MIA2: variants seen among roughly 807,000 people sequenced by gnomAD.
The protein encoded by MIA2 is MIA SH3 domain ER export factor 2.
MIA2 carries 127 observed loss-of-function variants against 167.8 expected under a neutral mutation model. The observed-to-expected ratio is 0.76, with a 90% CI of 0.66 to 0.88. The LOEUF (loss-of-function observed/expected upper bound fraction) is 0.88. MIA2 is among the 40% of genes least tolerant of loss of function. The pLI is 0.00. For missense variants in MIA2, 1,690 were observed against 1,624.7 expected, an observed-to-expected ratio of 1.04 and a Z score of -0.69; for synonymous variants, 552 against 541.9, an observed-to-expected ratio of 1.02 and a Z score of -0.26.
rs2053901652 is a variant in MIA2 at position 39,238,806 on chromosome 14, A to AC, written c.249+1751_249+1752insC. 2.7e-5 allele frequency among the ~76,000 whole-genome samples: 4 copies of AC among 148,332 alleles called. 1 individual carries two copies. Among genetic ancestry groups the AC allele is most frequent in the East Asian group, 2.0e-4 (1 of 5,076 alleles). ...GAGACCCTGTCTCAAAAAAAAAAAA[A>AC]AAAAACCCAAAAAACAAAAAAACCT... On this transcript the variant is annotated intron_variant, in intron 2 of 28. Coordinates refer to ENST00000640607, the MANE Select transcript of MIA2 (RefSeq NM_001329214.4).
At chr14:39,281,144 C>T (rs918394140) in intron 9 of MIA2, among the ~76,000 whole-genome samples, 37 of 151,878 alleles carry the variant, frequency 2.4e-4, no homozygotes, top group Non-Finnish European at 4.0e-4. Context: ...AGGCTGGTCT[C>T]GAACTCCTGG....
intron 7 of MIA2, among the ~76,000 whole-genome samples, chr14:39,278,667 A>G (rs1482873457): frequency 2.6e-5 from 4 of 152,220 alleles, no homozygotes; most frequent in Non-Finnish European, 5.9e-5. Flanking sequence ...CTATGGTAAC[A>G]TTTCTCAGGC....
intron 6 of MIA2, among the ~76,000 whole-genome samples, chr14:39,263,554 CTTCTTTTCCT>C (rs1421529263): frequency 3.7e-5 from 5 of 133,346 alleles, no homozygotes; most frequent in Non-Finnish European, 7.7e-5. Flanking sequence ...TCTTTTCTTT[CTTCTTTTCCT>C]TTCCTTTCCT....
At chr14:39,250,567 G>C (rs2054517291) in intron 4 of MIA2, among the ~76,000 whole-genome samples, 1 of 151,868 alleles carries the variant, frequency 6.6e-6, no homozygotes, top group Admixed American at 6.6e-5. Context: ...ATGGTGGTGT[G>C]CCCCTGTAAT....
chr14:39,300,678 GA>G lies in MIA2; in HGVS notation c.2619+693del, dbSNP rs2062248394. Among the ~76,000 whole-genome samples, 6 of 95,354 alleles carry G rather than the reference GA, an allele frequency of 6.3e-5. No individual in the cohort carries two copies. The Admixed American group carries it at 7.8e-4, about 12-fold the overall frequency. 62.6% of individuals were successfully genotyped at this position (95,354 alleles called of 152,430 possible). A position where few individuals can be genotyped will look rare whatever the true frequency, so the allele number is the denominator to read the frequency against. ...ACCGGGACCTGTTGTGGGGTGGGGG[GA>G]GGGGGGAGGGATAGCATTAGGAGAT... On this transcript the variant is annotated intron_variant, in intron 14 of 28. Transcript: ENST00000640607.
At chr14:39,385,621 G>T in intron 23 of MIA2, 7 of 824,734 alleles carry the variant, frequency 8.5e-6, no homozygotes, top group Admixed American at 3.4e-5. Flanking sequence ...CTCTGGATTG[G>T]GGCTTAATAT....
Position 39,299,979 on chromosome 14 carries a change from A to C in MIA2, c.2612A>C (p.His871Pro), listed in dbSNP as rs905715563. 6.3e-7 allele frequency: 1 copy of C among 1,592,606 alleles called. No homozygotes were observed. Among genetic ancestry groups the C allele is most frequent in the Non-Finnish European group, 8.5e-7 (1 of 1,172,962 alleles). Residue 871 changes from histidine (H) to proline (P), a missense_variant, in exon 14 of 29, where the codon CAC (histidine) becomes CCC (proline). Physicochemically the swap from His to Pro is moderately conservative, Grantham distance 77. Coordinates refer to ENST00000640607, the MANE Select transcript of MIA2 (RefSeq NM_001329214.4). ...AEQVLNDKES[H>P]IKTLTERLLK... Reference sequence around the variant, plus strand: ...CAAGTTCTAAATGATAAAGAAAGTCACATCAAGGTAAATGGCTCTACTGGT... The same window carrying C: ...CAAGTTCTAAATGATAAAGAAAGTCCCATCAAGGTAAATGGCTCTACTGGT...
At chr14:39,331,039 C>G (rs1016095667) in intron 25 of MIA2, among the ~76,000 whole-genome samples, 1 of 152,102 alleles carries the variant, frequency 6.6e-6, no homozygotes, top group African/African-American at 2.4e-5. Flanking sequence ...GTTGATCTGT[C>G]TAATATTGAC....
At chr14:39,368,244 C>G (rs56375627) in intron 23 of MIA2, among the ~76,000 whole-genome samples, 44,645 of 152,004 alleles carry the variant, frequency 0.29, 6,875 homozygotes, top group East Asian at 0.5. Context: ...GACAGTGATT[C>G]AGGTCTGTCA....
Position 39,248,088 on chromosome 14 carries a change from A to C in MIA2, c.1514A>C (p.Tyr505Ser), listed in dbSNP as rs1289389362. 6.4e-7 allele frequency: 1 copy of C among 1,555,994 alleles called. No homozygotes were observed. Among genetic ancestry groups the C allele is most frequent in the East Asian group, 2.3e-5 (1 of 43,798 alleles). The change falls in exon 4 of 29, where the codon TAT (tyrosine) becomes TCT (serine). Residue 505 changes from tyrosine to serine, a missense_variant. Physicochemically the swap from Tyr to Ser is moderately radical, Grantham distance 144. Coordinates refer to ENST00000640607, the MANE Select transcript of MIA2 (RefSeq NM_001329214.4). ...ACTGGAGAATTTTCCATTGATAATT[A>C]TCCCACAGATAATACAAAAGTTATG... is the stretch of plus-strand genomic sequence containing the variant. The part of the protein sequence containing the change: ...EETGEFSIDN[Y>S]PTDNTKVMIF...
intron 28 of MIA2, 82 bp downstream of exon 28, chr14:39,349,059 G>A: frequency 6.7e-7 from 1 of 1,483,086 alleles, no homozygotes; most frequent in Non-Finnish European, 9.2e-7. Context: ...TGTTAATGTA[G>A]TAACACAGTG....
chr14:39,351,996 AT>A (rs11294734), downstream of MIA2, among the ~76,000 whole-genome samples: 47,155 of 150,646 alleles, frequency 0.31, 7,868 homozygotes, highest in East Asian at 0.51. Flanking sequence ...CAAATGACCG[AT>A]TTTTTTTTTA....
rs138983082 is a variant in MIA2 at position 39,345,148 on chromosome 14, G to A, written c.3656-756G>A. On this transcript the variant is annotated intron_variant, in intron 25 of 28. Transcript: ENST00000640607. ...GGTTGGAGTGCAGTGGCATGATCTCGGCTCACTGCAACCTCTGCCCCACTG... is the reference window on the plus strand; with the variant it reads ...GGTTGGAGTGCAGTGGCATGATCTCAGCTCACTGCAACCTCTGCCCCACTG... 6.6e-3 allele frequency among the ~76,000 whole-genome samples: 1,002 copies of A among 151,976 alleles called. 11 individuals carry two copies. Among genetic ancestry groups the A allele is most frequent in the South Asian group, 0.052 (249 of 4,794 alleles).
intron 6 of MIA2, chr14:39,276,412 G>A (rs2058007411): frequency 6.5e-6 from 1 of 153,280 alleles, no homozygotes; most frequent in Non-Finnish European, 1.5e-5. Context: ...CACAGAGGTA[G>A]GGTGGGGAGA....
At chr14:39,362,516 C>T (rs1238778610) in intron 23 of MIA2, among the ~76,000 whole-genome samples, 4 of 152,028 alleles carry the variant, frequency 2.6e-5, no homozygotes, top group Admixed American at 2.6e-4. Context: ...TATTTCTGTG[C>T]TATCAGTTGT....
chr14:39,242,952 G>A (rs914172372), intron 3 of MIA2, among the ~76,000 whole-genome samples: 18 of 151,644 alleles, frequency 1.2e-4, no homozygotes, highest in Admixed American at 3.9e-4. Flanking sequence ...GTGAAACCCC[G>A]TCTCTACTAA....
In MIA2 at chr14:39,350,299, T is replaced by G. The variant is rs201595757; in HGVS notation, c.*35T>G. 3.0e-6 allele frequency: 3 copies of G among 1,009,878 alleles called. No individual in the cohort carries two copies. Among genetic ancestry groups the G allele is most frequent in the Non-Finnish European group, 4.2e-6 (3 of 709,422 alleles). 62.6% of individuals were successfully genotyped at this position (1,009,878 alleles called of 1,614,324 possible). ...TGCTCTCTTCAAAAGTAATTTTGAC[T>G]GATCTCATTTTCAGTTTAAGTAACT... On this transcript the variant is annotated 3_prime_UTR_variant, in exon 29 of 29. Coordinates refer to ENST00000640607, the MANE Select transcript of MIA2 (RefSeq NM_001329214.4).
rs533553804 is a variant in MIA2, at chr14:39,257,560, A to G, written c.1887+4389A>G. On this transcript the variant is annotated intron_variant, in intron 6 of 28. Coordinates refer to ENST00000640607, the MANE Select transcript of MIA2 (RefSeq NM_001329214.4). The stretch of plus-strand genomic sequence containing the variant: ...CCAATTTGCCAGTCTCTGTCTTTTA[A>G]TTGGGGTATTTAGCCCATTTACATT... Among the ~76,000 whole-genome samples the G allele has an allele frequency of 8.5e-5, 13 of 152,252 alleles. No individual in the cohort carries two copies. The South Asian group carries it at 2.7e-3, about 32-fold the overall frequency.
intron 9 of MIA2, among the ~76,000 whole-genome samples, chr14:39,282,571 T>C (rs946855959): frequency 6.6e-6 from 1 of 152,024 alleles, no homozygotes; most frequent in African/African-American, 2.4e-5. Flanking sequence ...GTTCATCCCA[T>C]ATATTTTCTT....
Sources: allele counts gnomAD v4.1 joint callset (sites outside exome capture counted in the v4.1 genomes callset), GRCh38; gene constraint gnomAD v4.1.1; transcripts MANE v1.5; gene names NCBI Gene and HGNC (gene_info 2026-07-23, HGNC 2026-07-21).